SEMA6D: variants seen among roughly 807,000 people sequenced by gnomAD.
SEMA6D encodes semaphorin 6D.
SEMA6D carries 35 observed loss-of-function variants against 106.6 expected under a neutral mutation model. That is an observed-to-expected ratio of 0.33 (90% CI 0.25 to 0.44). The LOEUF (loss-of-function observed/expected upper bound fraction) is 0.44, where lower values mean the gene tolerates loss of function less well. SEMA6D is among the 20% of genes least tolerant of loss of function. The pLI, the probability that SEMA6D is intolerant of heterozygous loss-of-function variation, is 1.00. For synonymous variants in SEMA6D, 499 were observed against 487.7 expected, an observed-to-expected ratio of 1.02 and a Z score of -0.31; for missense variants, 1,185 against 1,345.9, an observed-to-expected ratio of 0.88 and a Z score of 1.87.
At chr15:47,524,623 G>A (rs557241053) in intron 3 of SEMA6D, among the ~76,000 whole-genome samples, 2 of 152,296 alleles carry the variant, frequency 1.3e-5, no homozygotes, top group East Asian at 3.9e-4. Flanking sequence ...AAAAGATTCG[G>A]AGGTGTGATC....
chr15:47,687,967 C>T (rs906113178), intron 4 of SEMA6D, among the ~76,000 whole-genome samples: 19 of 152,000 alleles, frequency 1.3e-4, no homozygotes, highest in East Asian at 3.9e-4. Context: ...TGTTCCTGTG[C>T]GCTATCCAAC....
At chr15:47,530,568 A>T (rs758243804) in intron 3 of SEMA6D, among the ~76,000 whole-genome samples, 3 of 152,206 alleles carry the variant, frequency 2.0e-5, no homozygotes, top group Non-Finnish European at 4.4e-5. Flanking sequence ...CCTAATTAAG[A>T]TCACAAGATT....
chr15:47,687,142 A>G (rs1225643728), intron 4 of SEMA6D, among the ~76,000 whole-genome samples: 4 of 152,044 alleles, frequency 2.6e-5, no homozygotes, highest in Non-Finnish European at 5.9e-5. Flanking sequence ...AACTTCGACT[A>G]AATCTAGAAA....
intron 1 of SEMA6D, among the ~76,000 whole-genome samples, chr15:47,402,678 C>T (rs577703585): frequency 6.6e-6 from 1 of 151,334 alleles, no homozygotes; most frequent in Non-Finnish European, 1.5e-5. Context: ...TTTCCATTTG[C>T]ATTATTATAC....
intron 3 of SEMA6D, among the ~76,000 whole-genome samples, chr15:47,564,644 A>T (rs2046176668): frequency 6.6e-6 from 1 of 152,198 alleles, no homozygotes; most frequent in Non-Finnish European, 1.5e-5. Flanking sequence ...TGATAGGGAC[A>T]GGAGGCAGAG....
Position 47,261,351 on chromosome 15 carries a change from C to T in SEMA6D, c.-239+76933C>T, listed in dbSNP as rs189515939. On this transcript the variant is annotated intron_variant, in intron 1 of 19. Transcript: ENST00000558014. ...ACTAAAAATTATTTCATTTGCTTTCCTCTTGGTTTGTGCTTCTGATTTCCT... is the reference window on the plus strand; with the variant it reads ...ACTAAAAATTATTTCATTTGCTTTCTTCTTGGTTTGTGCTTCTGATTTCCT... Among the ~76,000 whole-genome samples the T allele has an allele frequency of 1.2e-4, 18 of 152,228 alleles. No homozygotes were observed. In the East Asian group the frequency reaches 3.3e-3, roughly 28 times the overall value.
chr15:47,393,910 T>C (rs184295714), intron 1 of SEMA6D, among the ~76,000 whole-genome samples: 261 of 152,302 alleles, frequency 1.7e-3, no homozygotes, highest in African/African-American at 6.0e-3. Context: ...ATAAATCTTA[T>C]GGAGAAGGTA....
At chr15:47,457,780 C>T (rs2042388424) in intron 2 of SEMA6D, among the ~76,000 whole-genome samples, 2 of 151,154 alleles carry the variant, frequency 1.3e-5, no homozygotes, top group Admixed American at 6.6e-5. Context: ...AAATATAGAC[C>T]CAAAGATCCA....
chr15:47,555,034 C>G (rs989849462), intron 3 of SEMA6D, among the ~76,000 whole-genome samples: 1 of 152,170 alleles, frequency 6.6e-6, no homozygotes, highest in South Asian at 2.1e-4. Context: ...GCCTTCCAAG[C>G]AGGCCCGCTT....
chr15:47,344,655 GA>G (rs1197816763), intron 1 of SEMA6D, among the ~76,000 whole-genome samples: 1 of 152,202 alleles, frequency 6.6e-6, no homozygotes, highest in African/African-American at 2.4e-5. Flanking sequence ...GAGATCTGCA[GA>G]GGATCTCTTT....
At chr15:47,233,769 C>G (rs1316695352) in intron 1 of SEMA6D, among the ~76,000 whole-genome samples, 1 of 151,854 alleles carries the variant, frequency 6.6e-6, no homozygotes, top group African/African-American at 2.4e-5. Flanking sequence ...GATTTTGTAT[C>G]CTACAACTTT....
intron 3 of SEMA6D, among the ~76,000 whole-genome samples, chr15:47,494,785 T>TATATATATATATATAA: frequency 1.0e-5 from 1 of 98,472 alleles, no homozygotes; most frequent in Non-Finnish European, 1.9e-5. Context: ...TATATATATA[T>TATATATATATATATAA]ATATAATCTC....
chr15:47,720,942 T>C (rs74011224), intron 1 of SEMA6D, among the ~76,000 whole-genome samples: 3,205 of 152,348 alleles, frequency 0.021, 109 homozygotes, highest in African/African-American at 0.073. Flanking sequence ...TTCCTTGTTA[T>C]ATTGCGTGAT....
intron 2 of SEMA6D, among the ~76,000 whole-genome samples, chr15:47,451,805 T>G (rs764418157): frequency 2.0e-5 from 3 of 152,010 alleles, no homozygotes; most frequent in Non-Finnish European, 4.4e-5. Context: ...GAGAAGAGAT[T>G]GACTGAGGAA....
At chr15:47,627,332 T>C (rs1165700162) in intron 4 of SEMA6D, among the ~76,000 whole-genome samples, 1 of 152,166 alleles carries the variant, frequency 6.6e-6, no homozygotes, top group Admixed American at 6.6e-5. Context: ...AGTATTTAAA[T>C]GTGCCCAATA....
chr15:47,754,031 G>T (rs1254289575), intron 1 of SEMA6D, among the ~76,000 whole-genome samples: 2 of 152,116 alleles, frequency 1.3e-5, no homozygotes, highest in East Asian at 3.9e-4. Flanking sequence ...GGGAGACAAA[G>T]ACTATATACC....
chr15:47,390,812 T>G lies in SEMA6D; in HGVS notation c.-238-21581T>G, dbSNP rs1483161566. On this transcript the variant is annotated intron_variant, in intron 1 of 19. Coordinates refer to the SEMA6D transcript ENST00000558014. Reference sequence around the variant, plus strand: ...AGTTTGTTATATTTTTTTACTAGCTTTGGAATCTGTCTTCCCTACTAGACT... The same window carrying G: ...AGTTTGTTATATTTTTTTACTAGCTGTGGAATCTGTCTTCCCTACTAGACT... Among the ~76,000 whole-genome samples the G allele has an allele frequency of 2.0e-5, 3 of 152,320 alleles. No individual in the cohort carries two copies. The East Asian group carries it at 5.8e-4, about 29-fold the overall frequency.
chr15:47,760,708 T>C (rs2082014912), intron 3 of SEMA6D, among the ~76,000 whole-genome samples: 1 of 152,170 alleles, frequency 6.6e-6, no homozygotes, highest in Admixed American at 6.6e-5. Context: ...TTAGAATTAT[T>C]CAAGCAAATA....
In SEMA6D at chr15:47,506,599, A is replaced by AACAGACAC. The variant is rs1555382657; in HGVS notation, c.-87+36057_-87+36058insGACACACA. ...CTACATGGGCATTTACACACACACA[A>AACAGACAC]ACACACACACACACACACACACACA... is the stretch of plus-strand genomic sequence containing the variant. On this transcript the variant is annotated intron_variant, in intron 3 of 19. Transcript: ENST00000558014. Among the ~76,000 whole-genome samples, 3 of 137,894 alleles carry AACAGACAC rather than the reference A, an allele frequency of 2.2e-5. No individual in the cohort carries two copies. In the East Asian group the frequency reaches 6.3e-4, roughly 29 times the overall value. 90.5% of individuals were successfully genotyped at this position (137,894 alleles called of 152,430 possible). A position where few individuals can be genotyped will look rare whatever the true frequency, so the allele number is the denominator to read the frequency against.
Sources: allele counts gnomAD v4.1 joint callset (sites outside exome capture counted in the v4.1 genomes callset), GRCh38; gene constraint gnomAD v4.1.1; transcripts MANE v1.5; gene names NCBI Gene and HGNC (gene_info 2026-07-23, HGNC 2026-07-21).